The following TMEM86A variants were observed in gnomAD, a reference collection of about 807,000 sequenced individuals.
TMEM86A encodes transmembrane protein 86A.
Under a neutral mutation model 19.8 loss-of-function variants are expected in TMEM86A, and 13 were observed. The observed-to-expected ratio is 0.66, with a 90% CI of 0.43 to 1.04. TMEM86A has a LOEUF of 1.04. Ranked by LOEUF, TMEM86A falls within the 50% of genes least tolerant of loss-of-function variation. The probability of loss-of-function intolerance (pLI) is 0.00; values close to 1 mark genes in which losing one functional copy is unlikely to be tolerated. For synonymous variants in TMEM86A, 128 were observed against 129.9 expected, an observed-to-expected ratio of 0.99 and a Z score of 0.10; for missense variants, 248 against 306.8, an observed-to-expected ratio of 0.81 and a Z score of 1.43.
At position 18,701,892 on chromosome 11, in the gene TMEM86A, G is replaced by A; in HGVS notation, c.606G>A (p.Val202=). The A allele has an allele frequency of 6.2e-7, 1 of 1,614,110 alleles. No homozygotes were observed. Among genetic ancestry groups the A allele is most frequent in the Non-Finnish European group, 8.5e-7 (1 of 1,180,038 alleles). Reference sequence around the variant, plus strand: ...CCCTCAACAAATTCTGTTTTCCTGTGCCCTACTCTCGGGCGCTTATCATGT... The same window carrying A: ...CCCTCAACAAATTCTGTTTTCCTGTACCCTACTCTCGGGCGCTTATCATGT... ...TIALNKFCFP[V]PYSRALIMST... The change falls in exon 3 of 3, where the codon GTG becomes GTA. Residue 202 remains valine, a synonymous_variant. Transcript: ENST00000280734. The surrounding 1 kb of genome is among the most constrained non-coding windows in gnomAD (Gnocchi z 5.3).
rs1012114863 is a variant in TMEM86A at position 18,699,029 on chromosome 11, G to A, written c.21+122G>A. ...GCGGGGCGGGGGTCCCGTGGCGGCC[G>A]GAGTCCCGCGGCGGGAGGCGGGCGC... On this transcript the variant is annotated intron_variant, in intron 1 of 2. Coordinates refer to ENST00000280734, the MANE Select transcript of TMEM86A (RefSeq NM_153347.3). This position sits in a 1 kb window ranked among gnomAD's most constrained non-coding sequence, Gnocchi z 4.0. 1 of 374,704 alleles carries A rather than the reference G, an allele frequency of 2.7e-6. No individual in the cohort carries two copies. The highest frequency in any genetic ancestry group is 4.0e-5 in the East Asian group (1 of 25,186). The allele number at this position is 374,704 out of a possible 1,614,324, so 23.2% of individuals were successfully genotyped here.
rs1165213154 is a variant in TMEM86A at position 18,701,634 on chromosome 11, G to A, written c.348G>A (p.Leu116=). The A allele has an allele frequency of 6.3e-7, 1 of 1,596,848 alleles. No individual in the cohort carries two copies. Among genetic ancestry groups the A allele is most frequent in the Non-Finnish European group, 8.6e-7 (1 of 1,168,762 alleles). The change falls in exon 3 of 3, where the codon CTG becomes CTA. Residue 116 remains leucine (L), a synonymous_variant. Transcript: ENST00000280734. This position sits in a 1 kb window ranked among gnomAD's most constrained non-coding sequence, Gnocchi z 5.3. ...FYASAFGMQP[L]ALRTGLVMAA... Reference sequence around the variant, plus strand: ...CCTCGGCCTTTGGCATGCAGCCACTGGCTCTTCGGACAGGTCTGGTGATGG... The same window carrying A: ...CCTCGGCCTTTGGCATGCAGCCACTAGCTCTTCGGACAGGTCTGGTGATGG...
In TMEM86A at chr11:18,701,723, T is replaced by C; in HGVS notation, c.437T>C (p.Leu146Pro). 6.2e-7 allele frequency: 1 copy of C among 1,614,116 alleles called. No homozygotes were observed. The part of the protein sequence containing the change: ...YPCLSGAFTY[L>P]VGVYVALIGF... ...TGCCTCTCAGGTGCCTTCACCTACC[T>C]GGTGGGGGTCTATGTGGCCCTTATC... The change falls in exon 3 of 3, where the codon CTG becomes CCG. Residue 146 changes from leucine (L) to proline (P), a missense_variant. Physicochemically the swap from Leu to Pro is moderately conservative, Grantham distance 98 (BLOSUM62 -3). Coordinates refer to ENST00000280734, the MANE Select transcript of TMEM86A (RefSeq NM_153347.3). This position sits in a 1 kb window ranked among gnomAD's most constrained non-coding sequence, Gnocchi z 5.3.
At position 18,702,104 on chromosome 11, in the gene TMEM86A, C is replaced by G. The variant is rs1410378637; in HGVS notation, c.*95C>G. On this transcript the variant is annotated 3_prime_UTR_variant, in exon 3 of 3. Transcript: ENST00000280734. Reference sequence around the variant, plus strand: ...TGGATCAGGATGGCTGCAGTGCCAGCCTGGGGCAGCAGGTACTGCCTGAGG... The same window carrying G: ...TGGATCAGGATGGCTGCAGTGCCAGGCTGGGGCAGCAGGTACTGCCTGAGG... The G allele has an allele frequency of 7.4e-7, 1 of 1,345,106 alleles. No homozygotes were observed. Among genetic ancestry groups the G allele is most frequent in the African/African-American group, 1.4e-5 (1 of 69,250 alleles). 83.3% of individuals were successfully genotyped at this position (1,345,106 alleles called of 1,614,324 possible). A position where few individuals can be genotyped will look rare whatever the true frequency, so the allele number is the denominator to read the frequency against.
At position 18,701,612 on chromosome 11, in the gene TMEM86A, C is replaced by T. The variant is rs980122968; in HGVS notation, c.326C>T (p.Ser109Leu). The T allele has an allele frequency of 1.3e-6, 2 of 1,582,240 alleles. No homozygotes were observed. The highest frequency in any genetic ancestry group is 1.7e-6 in the Non-Finnish European group (2 of 1,161,742). ...GCTGTGACCCACATGTTCTACGCCTCGGCCTTTGGCATGCAGCCACTGGCT... is the reference window on the plus strand; with the variant it reads ...GCTGTGACCCACATGTTCTACGCCTTGGCCTTTGGCATGCAGCCACTGGCT... ...MFAVTHMFYA[S>L]AFGMQPLALR... Residue 109 changes from serine to leucine, a missense_variant, in exon 3 of 3, where the codon TCG becomes TTG. Coordinates refer to ENST00000280734, the MANE Select transcript of TMEM86A (RefSeq NM_153347.3). The surrounding 1 kb of genome is among the most constrained non-coding windows in gnomAD (Gnocchi z 5.3).
In TMEM86A at chr11:18,701,561, T is replaced by A. The variant is rs1848149807; in HGVS notation, c.287-12T>A. ...GCTTGCCCTCAGCTGCCTTTGCCCC[T>A]CTTACCCCCAGGTCTGCTGATGTTT... On this transcript the variant is annotated splice_polypyrimidine_tract_variant and intron_variant, in intron 2 of 2. Coordinates refer to ENST00000280734, the MANE Select transcript of TMEM86A (RefSeq NM_153347.3). This position sits in a 1 kb window ranked among gnomAD's most constrained non-coding sequence, Gnocchi z 5.3. The A allele has an allele frequency of 9.1e-6, 14 of 1,537,574 alleles. No individual in the cohort carries two copies. The highest frequency in any genetic ancestry group is 1.2e-5 in the Non-Finnish European group (14 of 1,142,510).
rs1416840349 is a variant in TMEM86A at position 18,701,407 on chromosome 11, G to T, written c.287-166G>T. ...GTTCCAGAGTCCTTCAGGGGACTGGGGTGGTGGTCTTTAACTTTAGATCTT... is the reference window on the plus strand; with the variant it reads ...GTTCCAGAGTCCTTCAGGGGACTGGTGTGGTGGTCTTTAACTTTAGATCTT... On this transcript the variant is annotated intron_variant, in intron 2 of 2. Coordinates refer to ENST00000280734, the MANE Select transcript of TMEM86A (RefSeq NM_153347.3). This position sits in a 1 kb window ranked among gnomAD's most constrained non-coding sequence, Gnocchi z 5.3. 6.6e-6 allele frequency among the ~76,000 whole-genome samples: 1 copy of T among 152,092 alleles called. No homozygotes were observed. The highest frequency in any genetic ancestry group is 1.5e-5 in the Non-Finnish European group (1 of 67,994).
rs758380144 is a variant in TMEM86A, at chr11:18,701,697, A to G, written c.411A>G (p.Pro137=). Residue 137 remains proline (P), a synonymous_variant, in exon 3 of 3, where the codon CCA becomes CCG. Transcript: ENST00000280734. The surrounding 1 kb of genome is among the most constrained non-coding windows in gnomAD (Gnocchi z 5.3). ...LSGLCYALLY[P]CLSGAFTYLV... is the part of the protein sequence containing the mutation. ...GCCTGTGCTATGCCCTCCTCTACCC[A>G]TGCCTCTCAGGTGCCTTCACCTACC... 5 of 1,613,722 alleles carry G rather than the reference A, an allele frequency of 3.1e-6. No individual in the cohort carries two copies. Among genetic ancestry groups the G allele is most frequent in the Admixed American group, 3.3e-5 (2 of 59,980 alleles).
Position 18,704,536 on chromosome 11 carries a change from T to C in TMEM86A, c.*2527T>C. On this transcript the variant is annotated 3_prime_UTR_variant, in exon 3 of 3. Coordinates refer to ENST00000280734, the MANE Select transcript of TMEM86A (RefSeq NM_153347.3). The stretch of plus-strand genomic sequence containing the variant: ...GATGCTACAACTGACTTATCATCTT[T>C]GTCTGAAAGAGCAAAGGAAGTATTC... The C allele has an allele frequency of 1.3e-6, 2 of 1,546,956 alleles. No individual in the cohort carries two copies. Among genetic ancestry groups the C allele is most frequent in the African/African-American group, 2.7e-5 (2 of 73,070 alleles).
rs929909762 is a variant in TMEM86A, at chr11:18,702,202, G to A, written c.*193G>A. 1.6e-6 allele frequency: 1 copy of A among 613,374 alleles called. No homozygotes were observed. Among genetic ancestry groups the A allele is most frequent in the South Asian group, 2.0e-5 (1 of 49,550 alleles). 38.0% of individuals were successfully genotyped at this position (613,374 alleles called of 1,614,324 possible). On this transcript the variant is annotated 3_prime_UTR_variant, in exon 3 of 3. Transcript: ENST00000280734. ...AACTCGTGGTTCAGGACAATGCTGA[G>A]AGCTAAAAGAGCCAGCCTAATATCA...
chr11:18,700,836 G>A (rs1050748169), intron 1 of TMEM86A, 97 bp from the exon 2 acceptor site: 174 of 1,499,136 alleles, frequency 1.2e-4, no homozygotes, highest in Non-Finnish European at 9.4e-5. Context: ...TGAGGTGGGG[G>A]TATGGATGGG....
At chr11:18,700,900 T>C (rs1234089675) in intron 1 of TMEM86A, 33 bp from the exon 2 acceptor site, 1 of 1,608,326 alleles carries the variant, frequency 6.2e-7, no homozygotes, top group Non-Finnish European at 8.5e-7. Flanking sequence ...AACCCCCAAG[T>C]TCTGAGTGCT....
chr11:18,701,142 C>T lies in TMEM86A; in HGVS notation c.231C>T (p.Phe77=). ...SATRIFVGLV[F]SAVGDAFLIW... is the part of the protein sequence containing the mutation. The stretch of plus-strand genomic sequence containing the variant: ...CCCGCATCTTTGTGGGGCTTGTCTT[C>T]TCTGCTGTAGGTGACGCCTTCCTCA... Residue 77 remains phenylalanine (F), a synonymous_variant, in exon 2 of 3, where the codon TTC becomes TTT. Transcript: ENST00000280734. This position sits in a 1 kb window ranked among gnomAD's most constrained non-coding sequence, Gnocchi z 5.3. The T allele has an allele frequency of 6.2e-7, 1 of 1,613,986 alleles. No homozygotes were observed. Among genetic ancestry groups the T allele is most frequent in the South Asian group, 1.1e-5 (1 of 91,080 alleles).
Position 18,699,400 on chromosome 11 carries a change from G to T in TMEM86A, c.21+493G>T, listed in dbSNP as rs73426477. Among the ~76,000 whole-genome samples the T allele has an allele frequency of 0.053, 8,037 of 152,324 alleles. 771 individuals are homozygous for T. The highest frequency in any genetic ancestry group is 0.19 in the African/African-American group (7,711 of 41,558). ...TCTAAGAAGCGCTGATAACGCGCTGGGGGAAAAGGGGGCATTCTCTATGAC... is the reference window on the plus strand; with the variant it reads ...TCTAAGAAGCGCTGATAACGCGCTGTGGGAAAAGGGGGCATTCTCTATGAC... On this transcript the variant is annotated intron_variant, in intron 1 of 2. Coordinates refer to ENST00000280734, the MANE Select transcript of TMEM86A (RefSeq NM_153347.3). The surrounding 1 kb of genome is among the most constrained non-coding windows in gnomAD (Gnocchi z 4.0).
In TMEM86A at chr11:18,701,872, A is replaced by G; in HGVS notation, c.586A>G (p.Asn196Asp). ...FIISDLTIAL[N>D]KFCFPVPYSR... is the part of the protein sequence containing the mutation. ...CATCTCAGACCTGACCATCGCCCTC[A>G]ACAAATTCTGTTTTCCTGTGCCCTA... The change falls in exon 3 of 3, where the codon AAC becomes GAC. Residue 196 changes from asparagine (N) to aspartate (D), a missense_variant. Asn to Asp is a conservative substitution (Grantham distance 23, BLOSUM62 1). Transcript: ENST00000280734. This position sits in a 1 kb window ranked among gnomAD's most constrained non-coding sequence, Gnocchi z 5.3. The G allele has an allele frequency of 2.5e-6, 4 of 1,614,080 alleles. No homozygotes were observed. In the South Asian group the frequency reaches 3.3e-5, roughly 13 times the overall value.
chr11:18,700,257 C>A (rs575832215), intron 1 of TMEM86A, among the ~76,000 whole-genome samples: 1 of 152,284 alleles, frequency 6.6e-6, no homozygotes, highest in East Asian at 1.9e-4. Flanking sequence ...CTGACACACA[C>A]CCTCCCTTCC....
chr11:18,704,395 C>T lies in TMEM86A; in HGVS notation c.*2386C>T. 1 of 987,326 alleles carries T rather than the reference C, an allele frequency of 1.0e-6. No homozygotes were observed. Among genetic ancestry groups the T allele is most frequent in the Non-Finnish European group, 1.6e-6 (1 of 635,012 alleles). 61.2% of individuals were successfully genotyped at this position (987,326 alleles called of 1,614,324 possible). Reference sequence around the variant, plus strand: ...CAGAGAGCAAACTGGGCTTCCTACACTGGGCCATGCAGAGGACAGGCCAAG... The same window carrying T: ...CAGAGAGCAAACTGGGCTTCCTACATTGGGCCATGCAGAGGACAGGCCAAG... On this transcript the variant is annotated 3_prime_UTR_variant, in exon 3 of 3. Transcript: ENST00000280734.
At position 18,703,071 on chromosome 11, in the gene TMEM86A, C is replaced by T. The variant is rs1848166288; in HGVS notation, c.*1062C>T. ...GGGAGCAAGGATGGGACAACTCCAT[C>T]TTCTGCTGCCCATGTGAAAAATAAT... is the stretch of plus-strand genomic sequence containing the variant. On this transcript the variant is annotated 3_prime_UTR_variant, in exon 3 of 3. Coordinates refer to ENST00000280734, the MANE Select transcript of TMEM86A (RefSeq NM_153347.3). The T allele has an allele frequency of 6.5e-6, 1 of 152,708 alleles. No homozygotes were observed. The allele number at this position is 152,708 out of a possible 1,614,324, so 9.5% of individuals were successfully genotyped here.
At chr11:18,700,213 T>C (rs1289164690) in intron 1 of TMEM86A, among the ~76,000 whole-genome samples, 1 of 152,196 alleles carries the variant, frequency 6.6e-6, no homozygotes, top group Non-Finnish European at 1.5e-5. Context: ...TGGTGTGGCT[T>C]GAGTTGCTCT....
Sources: allele counts gnomAD v4.1 joint callset (sites outside exome capture counted in the v4.1 genomes callset), GRCh38; gene constraint gnomAD v4.1.1; non-coding constraint Gnocchi (gnomAD v3.1); transcripts MANE v1.5; gene names NCBI Gene and HGNC (gene_info 2026-07-23, HGNC 2026-07-21).